CSMD1: variants seen among roughly 807,000 people sequenced by gnomAD.
The protein encoded by CSMD1 is CUB and Sushi multiple domains 1, also known as CUB and sushi domain-containing protein 1.
Under a neutral mutation model 417.5 loss-of-function variants are expected in CSMD1, and 213 were observed. The ratio of observed to expected loss-of-function variants is 0.51; its 90% CI spans 0.46 to 0.57. The LOEUF (loss-of-function observed/expected upper bound fraction) is 0.57, where lower values mean the gene tolerates loss of function less well. Among genes scored for constraint, CSMD1 ranks in the 20% least tolerant of loss-of-function variants. The pLI, the probability that CSMD1 is intolerant of heterozygous loss-of-function variation, is 0.00. For missense variants in CSMD1, 6,923 were observed against 4,529.7 expected, an observed-to-expected ratio of 1.53 and a Z score of -15.17; for synonymous variants, 2,862 against 1,736.8, an observed-to-expected ratio of 1.65 and a Z score of -16.11.
At chr8:4,883,321 G>A (rs1228549747) in intron 1 of CSMD1, among the ~76,000 whole-genome samples, 1 of 151,874 alleles carries the variant, frequency 6.6e-6, no homozygotes, top group Non-Finnish European at 1.5e-5. Context: ...ACCTCTATTT[G>A]GATATAATTA....
At chr8:3,729,942 A>C (rs1192847435) in intron 6 of CSMD1, among the ~76,000 whole-genome samples, 3 of 24,916 alleles carry the variant, frequency 1.2e-4, no homozygotes, top group Admixed American at 7.7e-4. Flanking sequence ...AAAAAAAAAA[A>C]AAAAAAAAAA....
chr8:3,708,609 T>A (rs1801314523), intron 6 of CSMD1, 118 bp from the exon 7 acceptor site: 7 of 784,068 alleles, frequency 8.9e-6, no homozygotes. Context: ...AAATGGGAAA[T>A]GTTCTAAGAG....
chr8:3,990,096 C>A (rs896354924), intron 5 of CSMD1, among the ~76,000 whole-genome samples: 1 of 152,096 alleles, frequency 6.6e-6, no homozygotes, highest in African/African-American at 2.4e-5. Context: ...CCTCAGAAGG[C>A]AGAGTGTTTT....
At chr8:3,550,091 A>G (rs1156767868) in intron 10 of CSMD1, among the ~76,000 whole-genome samples, 1 of 152,174 alleles carries the variant, frequency 6.6e-6, no homozygotes, top group Non-Finnish European at 1.5e-5. Flanking sequence ...AAAAGAAAGC[A>G]AAGCACAGAG....
intron 2 of CSMD1, among the ~76,000 whole-genome samples, chr8:4,630,102 A>C (rs1455963514): frequency 6.6e-6 from 1 of 152,202 alleles, no homozygotes; most frequent in Admixed American, 6.5e-5. Flanking sequence ...ACACACCACC[A>C]CAGCATGAGG....
chr8:3,062,694 G>A (rs1812665639), intron 49 of CSMD1, among the ~76,000 whole-genome samples: 1 of 152,008 alleles, frequency 6.6e-6, no homozygotes, highest in South Asian at 2.1e-4. Context: ...AAGCATTTAT[G>A]AATTTGAAAC....
At chr8:3,057,942 A>G (rs1318393264) in intron 49 of CSMD1, among the ~76,000 whole-genome samples, 3 of 151,770 alleles carry the variant, frequency 2.0e-5, no homozygotes, top group Non-Finnish European at 4.4e-5. Context: ...ACCTTCCCCT[A>G]CTCTCCGTAA....
intron 1 of CSMD1, among the ~76,000 whole-genome samples, chr8:4,758,488 C>A (rs117666508): frequency 2.6e-5 from 4 of 152,094 alleles, no homozygotes; most frequent in South Asian, 2.1e-4. Context: ...AAAGAGATCC[C>A]TTTGGACTGT....
chr8:4,182,276 T>A (rs964141269), intron 3 of CSMD1, among the ~76,000 whole-genome samples: 1 of 152,184 alleles, frequency 6.6e-6, no homozygotes, highest in African/African-American at 2.4e-5. Context: ...TTGCATGATT[T>A]GTTTAAAAGA....
In CSMD1 at chr8:4,266,607, C is replaced by T. The variant is rs545827333; in HGVS notation, c.415+153346G>A. Among the ~76,000 whole-genome samples, 39 of 104,728 alleles carry T rather than the reference C, an allele frequency of 3.7e-4. 9 individuals are homozygous for T. The highest frequency in any genetic ancestry group is 2.5e-4 in the East Asian group (1 of 3,924). The allele number at this position is 104,728 out of a possible 152,430, so 68.7% of individuals were successfully genotyped here. On this transcript the variant is annotated intron_variant, in intron 3 of 69. Transcript: ENST00000635120. ...CATACAGGTATGTCCCCACTAATGG[C>T]GTAAAGTGACCTGTCCTGCAGTTGA...
intron 3 of CSMD1, among the ~76,000 whole-genome samples, chr8:4,308,578 G>C (rs1798383263): frequency 1.3e-5 from 2 of 152,172 alleles, no homozygotes; most frequent in African/African-American, 4.8e-5. Flanking sequence ...TGCTCTTACA[G>C]GAAATGCTCC....
chr8:3,972,206 T>A (rs1392749063), intron 5 of CSMD1, among the ~76,000 whole-genome samples: 1 of 152,108 alleles, frequency 6.6e-6, no homozygotes, highest in Admixed American at 6.5e-5. Flanking sequence ...TATCACTTTG[T>A]TGAAGAAAGC....
Position 3,927,652 on chromosome 8 carries a change from G to T in CSMD1, c.818+70251C>A, listed in dbSNP as rs192240768. 3.9e-5 allele frequency among the ~76,000 whole-genome samples: 6 copies of T among 152,064 alleles called. No homozygotes were observed. In the East Asian group the frequency reaches 1.2e-3, roughly 29 times the overall value. ...TGAACTCCACACTCGGCGAAAGAGT[G>T]AAACAAGTGAAACTTCATCTCAAAA... On this transcript the variant is annotated intron_variant, in intron 5 of 69. Transcript: ENST00000635120.
chr8:4,110,185 AAAG>A lies in CSMD1; in HGVS notation c.416-78089_416-78087del, dbSNP rs552938570. On this transcript the variant is annotated intron_variant, in intron 3 of 69. Coordinates refer to ENST00000635120, the MANE Select transcript of CSMD1 (RefSeq NM_033225.6). ...GCCATTTCATCTGGATCACATATCTAAAGAATAAAATTTAAAATCTAGAGAATA... is the reference window on the plus strand; with the variant it reads ...GCCATTTCATCTGGATCACATATCTAAATAAAATTTAAAATCTAGAGAATA... Among the ~76,000 whole-genome samples, 11 of 152,310 alleles carry A rather than the reference AAAG, an allele frequency of 7.2e-5. No individual in the cohort carries two copies. The South Asian group carries it at 2.3e-3, about 32-fold the overall frequency.
chr8:4,714,253 G>A (rs1213208593), intron 1 of CSMD1, among the ~76,000 whole-genome samples: 1 of 152,154 alleles, frequency 6.6e-6, no homozygotes, highest in African/African-American at 2.4e-5. Flanking sequence ...AGAGTCAGCA[G>A]AAATATACTC....
At chr8:2,944,804 T>G (rs1802107218) in intron 68 of CSMD1, among the ~76,000 whole-genome samples, 1 of 152,150 alleles carries the variant, frequency 6.6e-6, no homozygotes, top group Admixed American at 6.6e-5. Context: ...ATTATCTGTC[T>G]TATTCTTATA....
intron 2 of CSMD1, among the ~76,000 whole-genome samples, chr8:4,463,635 G>C (rs890049121): frequency 6.6e-6 from 1 of 152,044 alleles, no homozygotes; most frequent in Non-Finnish European, 1.5e-5. Flanking sequence ...CTACTAAATG[G>C]AAAGAGCTAG....
chr8:4,636,404 T>C (rs1172342606), intron 2 of CSMD1, among the ~76,000 whole-genome samples: 2 of 152,188 alleles, frequency 1.3e-5, no homozygotes, highest in African/African-American at 4.8e-5. Flanking sequence ...TACGAATAGA[T>C]TGTACCATTA....
At chr8:3,770,241 T>G (rs1290937595) in intron 5 of CSMD1, among the ~76,000 whole-genome samples, 4 of 152,204 alleles carry the variant, frequency 2.6e-5, no homozygotes. Context: ...AAGAAAATAC[T>G]AGGCAACTGG....
Sources: gnomAD v4.1 joint callset for allele counts (sites outside exome capture counted in the v4.1 genomes callset) on GRCh38, gnomAD v4.1.1 for gene constraint, MANE v1.5 for transcripts, NCBI Gene and HGNC (gene_info 2026-07-23, HGNC 2026-07-21) for gene names.